Variants in LRRC4C observed in about 807,000 individuals in gnomAD.
The protein encoded by LRRC4C is leucine-rich repeat-containing protein 4C.
A neutral mutation model predicts 33.6 loss-of-function variants in LRRC4C; 5 were observed. The observed-to-expected ratio is 0.15, with a 90% CI of 0.08 to 0.31. The LOEUF (loss-of-function observed/expected upper bound fraction) is 0.31, where lower values mean the gene tolerates loss of function less well. Among genes scored for constraint, LRRC4C ranks in the 10% least tolerant of loss-of-function variants. LRRC4C has a pLI of 1.00. For missense variants in LRRC4C, 560 were observed against 796.7 expected (o/e 0.70, Z 3.58); for synonymous variants, 329 against 302.0 (o/e 1.09, Z -0.93).
At chr11:40,358,716 G>A (rs778024168) in intron 3 of LRRC4C, among the ~76,000 whole-genome samples, 1 of 152,004 alleles carries the variant, frequency 6.6e-6, no homozygotes, top group African/African-American at 2.4e-5. Flanking sequence ...GTGCACCTGC[G>A]GAGACTCACT....
intron 1 of LRRC4C, among the ~76,000 whole-genome samples, chr11:41,437,130 T>C (rs182420890): frequency 6.6e-6 from 1 of 152,266 alleles, no homozygotes; most frequent in Non-Finnish European, 1.5e-5. Context: ...GAAACAGGTA[T>C]CATTAGAGAT....
At chr11:40,969,716 C>T (rs1442006231) in intron 1 of LRRC4C, among the ~76,000 whole-genome samples, 1 of 152,120 alleles carries the variant, frequency 6.6e-6, no homozygotes, top group African/African-American at 2.4e-5. Context: ...AGACAATGCA[C>T]ATTTAATAGA....
intron 6 of LRRC4C, among the ~76,000 whole-genome samples, chr11:40,128,800 G>A (rs374236492): frequency 1.3e-5 from 2 of 152,174 alleles, no homozygotes; most frequent in South Asian, 2.1e-4. Context: ...TGATTTTTGC[G>A]TGGTTGGTTT....
intron 1 of LRRC4C, among the ~76,000 whole-genome samples, chr11:41,037,125 C>CT (rs1157409499): frequency 6.1e-5 from 9 of 147,564 alleles, no homozygotes; most frequent in African/African-American, 1.9e-4. Flanking sequence ...CCATCAAAGG[C>CT]TTTTTTCTCT....
chr11:41,099,536 A>G (rs914614205), intron 1 of LRRC4C, among the ~76,000 whole-genome samples: 6 of 152,208 alleles, frequency 3.9e-5, no homozygotes, highest in Non-Finnish European at 7.3e-5. Flanking sequence ...GGTTGGTTCA[A>G]CATACACAAA....
At position 40,174,936 on chromosome 11, in the gene LRRC4C, C is replaced by T. The variant is rs182395761; in HGVS notation, c.-95-34083G>A. 2.0e-5 allele frequency among the ~76,000 whole-genome samples: 3 copies of T among 152,286 alleles called. No homozygotes were observed. In the East Asian group the frequency reaches 5.8e-4, roughly 29 times the overall value. On this transcript the variant is annotated intron_variant, in intron 5 of 6. Coordinates refer to ENST00000528697, the MANE Select transcript of LRRC4C (RefSeq NM_001258419.2). ...ATTCTGTGATAGAAATGGTGCTAAA[C>T]CCACAAATTTCAACTACAAATCTCC...
intron 3 of LRRC4C, among the ~76,000 whole-genome samples, chr11:40,467,760 T>C (rs1410098915): frequency 1.3e-5 from 2 of 152,148 alleles, no homozygotes; most frequent in Non-Finnish European, 2.9e-5. Context: ...AAGAATACCA[T>C]CTCTTGGAGC....
chr11:40,285,432 C>T (rs1943770331), intron 4 of LRRC4C, among the ~76,000 whole-genome samples: 1 of 152,042 alleles, frequency 6.6e-6, no homozygotes, highest in African/African-American at 2.4e-5. Context: ...GTGTTGGGTC[C>T]CCACAATGAG....
chr11:40,795,016 C>G (rs541569858), intron 2 of LRRC4C, among the ~76,000 whole-genome samples: 1 of 152,210 alleles, frequency 6.6e-6, no homozygotes, highest in Non-Finnish European at 1.5e-5. Flanking sequence ...GAGAACTTCT[C>G]TAAGCCAAAT....
chr11:40,419,552 C>A (rs1950448943), intron 3 of LRRC4C, among the ~76,000 whole-genome samples: 1 of 151,960 alleles, frequency 6.6e-6, no homozygotes, highest in South Asian at 2.1e-4. Flanking sequence ...TTATATTGAG[C>A]AAAAATATCC....
At chr11:40,855,494 G>T (rs1953736718) in intron 2 of LRRC4C, among the ~76,000 whole-genome samples, 1 of 152,060 alleles carries the variant, frequency 6.6e-6, no homozygotes, top group Non-Finnish European at 1.5e-5. Flanking sequence ...ACTATGTTTT[G>T]TCTTACTTGG....
chr11:40,597,290 C>G (rs575071494), intron 3 of LRRC4C, among the ~76,000 whole-genome samples: 1 of 152,036 alleles, frequency 6.6e-6, no homozygotes, highest in Non-Finnish European at 1.5e-5. Flanking sequence ...AGACAATAGA[C>G]AAGTGAATTG....
chr11:41,376,718 A>G (rs1183578341), intron 1 of LRRC4C, among the ~76,000 whole-genome samples: 1 of 152,194 alleles, frequency 6.6e-6, no homozygotes, highest in East Asian at 1.9e-4. Context: ...TGTATAATAT[A>G]CACAATATAC....
chr11:40,657,135 C>T (rs982276484), intron 2 of LRRC4C, among the ~76,000 whole-genome samples: 4 of 152,130 alleles, frequency 2.6e-5, no homozygotes, highest in African/African-American at 9.7e-5. Context: ...CATTGTTTAA[C>T]AGAAAGAAAT....
intron 2 of LRRC4C, among the ~76,000 whole-genome samples, chr11:40,765,546 C>T (rs1349586354): frequency 2.0e-5 from 3 of 152,154 alleles, no homozygotes; most frequent in Middle Eastern, 3.4e-3. Context: ...TTCAAAATAG[C>T]TGTTTTAAAG....
intron 2 of LRRC4C, among the ~76,000 whole-genome samples, chr11:40,771,911 T>A (rs767195351): frequency 2.6e-5 from 4 of 152,132 alleles, no homozygotes; most frequent in Admixed American, 2.6e-4. Flanking sequence ...GCCCTCTAAG[T>A]CCAAAGGGAG....
intron 1 of LRRC4C, among the ~76,000 whole-genome samples, chr11:41,207,297 T>G (rs1352222604): frequency 6.6e-6 from 1 of 152,178 alleles, no homozygotes; most frequent in East Asian, 1.9e-4. Context: ...AGTCTTTTTT[T>G]AAAAGTTCCT....
At chr11:40,278,440 A>G (rs1169648367) in intron 4 of LRRC4C, among the ~76,000 whole-genome samples, 1 of 152,192 alleles carries the variant, frequency 6.6e-6, no homozygotes, top group Non-Finnish European at 1.5e-5. Flanking sequence ...AAGATCCTCT[A>G]CCAGTGAGCT....
intron 3 of LRRC4C, among the ~76,000 whole-genome samples, chr11:40,448,729 T>C (rs7946344): frequency 0.34 from 51,502 of 152,164 alleles, 10,060 homozygotes; most frequent in East Asian, 0.44. Context: ...TGTGTCTTTA[T>C]AGTAGAATGA....
Sources: gnomAD v4.1 joint callset for allele counts (sites outside exome capture counted in the v4.1 genomes callset) on GRCh38, gnomAD v4.1.1 for gene constraint, MANE v1.5 for transcripts, NCBI Gene and HGNC (gene_info 2026-07-23, HGNC 2026-07-21) for gene names.